The following AAAS variants were observed in gnomAD, a reference collection of about 807,000 sequenced individuals.
AAAS encodes aladin WD repeat nucleoporin.
A neutral mutation model predicts 75.6 loss-of-function variants in AAAS; 60 were observed. That is an observed-to-expected ratio of 0.79 (90% CI 0.64 to 0.98). The LOEUF is 0.98. Among genes scored for constraint, AAAS ranks in the 50% least tolerant of loss-of-function variants. The pLI, the probability that AAAS is intolerant of heterozygous loss-of-function variation, is 0.00. For missense variants in AAAS, 658 were observed against 686.9 expected, an observed-to-expected ratio of 0.96 and a Z score of 0.47; for synonymous variants, 271 against 265.0, an observed-to-expected ratio of 1.02 and a Z score of -0.22.
rs1944331270 is a variant in AAAS at position 53,308,464 on chromosome 12, T to C, written c.1152A>G (p.Thr384=). The C allele has an allele frequency of 5.0e-6, 8 of 1,614,190 alleles. No individual in the cohort carries two copies. The East Asian group carries it at 1.1e-4, about 22-fold the overall frequency. ...CCTCACCATCTGGTGTCTGTATTGT[T>C]GTCTCAGACAGATCTGCCACAATCG... ...SATIVADLSE[T]TIQTPDGEER... The change falls in exon 12 of 16, where the codon ACA becomes ACG. Residue 384 remains threonine (T), a synonymous_variant. Transcript: ENST00000209873.
intron 7 of AAAS, among the ~76,000 whole-genome samples, chr12:53,312,346 C>T (rs534234801): frequency 1.4e-4 from 21 of 152,226 alleles, no homozygotes; most frequent in African/African-American, 4.8e-4. Context: ...GAAGCCAAGG[C>T]GGGCGGATCA....
chr12:53,316,764 C>CA (rs34520642), intron 2 of AAAS, among the ~76,000 whole-genome samples: 30,701 of 77,336 alleles, frequency 0.4, 5,631 homozygotes, highest in East Asian at 0.51. Flanking sequence ...CCATCTCAGA[C>CA]AAAAAAAAAA....
At chr12:53,319,849 G>T (rs1346132161) in intron 2 of AAAS, among the ~76,000 whole-genome samples, 4 of 147,806 alleles carry the variant, frequency 2.7e-5, no homozygotes, top group Non-Finnish European at 4.5e-5. Context: ...AGCCGGGCGC[G>T]GTGGCTCACG....
chr12:53,315,477 C>A, intron 3 of AAAS, 51 bp from the exon 4 acceptor site: 1 of 1,523,162 alleles, frequency 6.6e-7, no homozygotes, highest in East Asian at 2.3e-5. Context: ...GGCCTCTTAC[C>A]AGGTACCTTC....
At chr12:53,319,807 AAAAAAAAAAAAAAAAAAAG>A (rs1944523972) in intron 2 of AAAS, among the ~76,000 whole-genome samples, 1 of 108,714 alleles carries the variant, frequency 9.2e-6, no homozygotes, top group African/African-American at 3.1e-5. Flanking sequence ...CGTCTCAAAA[AAAAAAAAAAAAAAAAAAAG>A]AAAAAGAAAA....
chr12:53,315,161 C>A (rs765691286), intron 4 of AAAS, 21 bp from the exon 5 acceptor site: 9 of 1,614,026 alleles, frequency 5.6e-6, no homozygotes, highest in Middle Eastern at 1.6e-4. Context: ...AAGATAGACA[C>A]AGGACACACT....
intron 7 of AAAS, among the ~76,000 whole-genome samples, chr12:53,310,339 C>T (rs764098207): frequency 6.6e-6 from 1 of 152,184 alleles, no homozygotes; most frequent in Non-Finnish European, 1.5e-5. Context: ...GTGGGCGGAT[C>T]ACGAGGTCAA....
At chr12:53,317,163 A>G (rs1944475163) in intron 2 of AAAS, among the ~76,000 whole-genome samples, 2 of 148,956 alleles carry the variant, frequency 1.3e-5, no homozygotes, top group Non-Finnish European at 3.0e-5. Context: ...GGTGGCTCAC[A>G]CCTGTAATCC....
Position 53,314,433 on chromosome 12 carries a change from A to T in AAAS, c.554T>A (p.Val185Asp), listed in dbSNP as rs948367683. Residue 185 changes from valine (V) to aspartate (D), a missense_variant, in exon 7 of 16, where the codon GTC (valine) becomes GAC (aspartate). Physicochemically the swap from Val to Asp is radical, Grantham distance 152. Coordinates refer to ENST00000209873, the MANE Select transcript of AAAS (RefSeq NM_015665.6). ...VRVYNASSTI[V>D]PSLKHRLQRN... ...CTGCAGCCGGTGCTTCAGGGAGGGG[A>T]CTATGGTGCTAGGGTGAAGGGGCAG... The T allele has an allele frequency of 4.3e-6, 7 of 1,613,950 alleles. No homozygotes were observed. Among genetic ancestry groups the T allele is most frequent in the African/African-American group, 1.3e-5 (1 of 74,912 alleles).
chr12:53,317,704 T>C (rs1024930320), intron 2 of AAAS, among the ~76,000 whole-genome samples: 1 of 151,652 alleles, frequency 6.6e-6, no homozygotes, highest in Non-Finnish European at 1.5e-5. Context: ...ATCACGCCAC[T>C]GCACTCCAGC....
intron 8 of AAAS, 83 bp downstream of exon 8, chr12:53,309,518 C>T: frequency 6.2e-7 from 1 of 1,607,094 alleles, no homozygotes; most frequent in Non-Finnish European, 8.5e-7. Context: ...GTCCCTCCTC[C>T]TTCCCCCAAG....
chr12:53,318,713 T>TA (rs1944505729), intron 2 of AAAS, among the ~76,000 whole-genome samples: 1 of 152,030 alleles, frequency 6.6e-6, no homozygotes, highest in Non-Finnish European at 1.5e-5. Context: ...GAGAGAGAAA[T>TA]AAAGAGACTG....
At position 53,310,250 on chromosome 12, in the gene AAAS, G is replaced by A. The variant is rs143523119; in HGVS notation, c.690-529C>T. Among the ~76,000 whole-genome samples the A allele has an allele frequency of 7.7e-4, 118 of 152,300 alleles. 1 individual carries two copies. The highest frequency in any genetic ancestry group is 2.8e-3 in the African/African-American group (115 of 41,574). On this transcript the variant is annotated intron_variant, in intron 7 of 15. Transcript: ENST00000209873. ...TACCTCCCAACTCTGCAGCTCCCGC[G>A]TTTGCTCCTTATCATAAAGATGCTG... is the stretch of plus-strand genomic sequence containing the variant.
chr12:53,312,910 A>T (rs1350173841), intron 7 of AAAS, among the ~76,000 whole-genome samples: 1 of 149,390 alleles, frequency 6.7e-6, no homozygotes, highest in Non-Finnish European at 1.5e-5. Context: ...AGGCTGGAGT[A>T]CAGTGGCGTG....
chr12:53,314,418 T>C lies in AAAS; in HGVS notation c.569A>G (p.His190Arg). Residue 190 changes from histidine to arginine, a missense_variant, in exon 7 of 16, where the codon CAC (histidine) becomes CGC (arginine). Transcript: ENST00000209873. ...ASSTIVPSLK[H>R]RLQRNVASLA... ...AGACGCCACATTTCGCTGCAGCCGG[T>C]GCTTCAGGGAGGGGACTATGGTGCT... The C allele has an allele frequency of 1.9e-6, 3 of 1,613,992 alleles. No homozygotes were observed. The East Asian group carries it at 6.7e-5, about 36-fold the overall frequency.
chr12:53,317,741 C>CA (rs766508216), intron 2 of AAAS, among the ~76,000 whole-genome samples: 1,901 of 118,638 alleles, frequency 0.016, 28 homozygotes, highest in East Asian at 0.064. Flanking sequence ...GACTCTGTCT[C>CA]AAAAAAAAAA....
chr12:53,314,476 G>A, intron 6 of AAAS, 35 bp from the exon 7 acceptor site: 1 of 1,613,044 alleles, frequency 6.2e-7, no homozygotes, highest in Non-Finnish European at 8.5e-7. Context: ...AGTCAAGGCA[G>A]GAACACTAAG....
At position 53,319,993 on chromosome 12, in the gene AAAS, G is replaced by A. The variant is rs113051947; in HGVS notation, c.251+572C>T. Among the ~76,000 whole-genome samples the A allele has an allele frequency of 9.5e-4, 145 of 151,978 alleles. 1 individual carries two copies. The highest frequency in any genetic ancestry group is 3.4e-3 in the African/African-American group (139 of 41,432). ...AAATTAGCTGGGCGTGGTGGCACAT[G>A]CCTGTAATCCTAGCTACTCGGGAGA... On this transcript the variant is annotated intron_variant, in intron 2 of 15. Transcript: ENST00000209873.
Position 53,309,873 on chromosome 12 carries a change from T to A in AAAS, c.690-152A>T. 3 of 1,266,338 alleles carry A rather than the reference T, an allele frequency of 2.4e-6. No homozygotes were observed. The Admixed American group carries it at 6.7e-5, about 28-fold the overall frequency. The allele number at this position is 1,266,338 out of a possible 1,614,324, so 78.4% of individuals were successfully genotyped here. On this transcript the variant is annotated intron_variant, in intron 7 of 15. Transcript: ENST00000209873. ...GAAAAAGGAATAAGGATTGTGAAAG[T>A]TAAAAGAAAAAAACAGCGAAGGGGA...
Sources: gnomAD v4.1 joint callset for allele counts (sites outside exome capture counted in the v4.1 genomes callset) on GRCh38, gnomAD v4.1.1 for gene constraint, MANE v1.5 for transcripts, NCBI Gene and HGNC (gene_info 2026-07-23, HGNC 2026-07-21) for gene names.